Variants in DISP1 observed in about 807,000 individuals in gnomAD.
The protein encoded by DISP1 is dispatched RND transporter family member 1.
Under a neutral mutation model 37.3 loss-of-function variants are expected in DISP1, and 30 were observed. The ratio of observed to expected loss-of-function variants is 0.80; its 90% CI spans 0.60 to 1.09. The LOEUF (loss-of-function observed/expected upper bound fraction) is 1.09. Among genes scored for constraint, DISP1 ranks in the 50% least tolerant of loss-of-function variants. The pLI, the probability that DISP1 is intolerant of heterozygous loss-of-function variation, is 0.00. For missense variants in DISP1, 1,598 were observed against 1,879.5 expected (o/e 0.85, Z 2.77); for synonymous variants, 634 against 690.2 (o/e 0.92, Z 1.28).
chr1:222,886,217 A>G (rs1013938188), intron 1 of DISP1, among the ~76,000 whole-genome samples: 2 of 152,208 alleles, frequency 1.3e-5, no homozygotes, highest in Non-Finnish European at 2.9e-5. Flanking sequence ...AAAGAGAGGT[A>G]GGCTATAGAA....
intron 1 of DISP1, among the ~76,000 whole-genome samples, chr1:222,894,052 G>A (rs1043771689): frequency 3.1e-4 from 47 of 152,276 alleles, no homozygotes; most frequent in African/African-American, 1.1e-3. Context: ...TCTCCCAGCC[G>A]GTAGTCCCCA....
At chr1:222,851,166 C>T (rs1242127925) in intron 1 of DISP1, among the ~76,000 whole-genome samples, 1 of 150,974 alleles carries the variant, frequency 6.6e-6, no homozygotes, top group Non-Finnish European at 1.5e-5. Context: ...TCCTGGGTTC[C>T]AGTGATTCTC....
At chr1:222,901,453 A>G (rs558681670) in intron 1 of DISP1, among the ~76,000 whole-genome samples, 1 of 152,228 alleles carries the variant, frequency 6.6e-6, no homozygotes, top group African/African-American at 2.4e-5. Flanking sequence ...AAAAACAAAG[A>G]TATTTGGGGA....
At chr1:222,850,093 G>A (rs1353588133) in intron 1 of DISP1, among the ~76,000 whole-genome samples, 4 of 152,024 alleles carry the variant, frequency 2.6e-5, no homozygotes, top group African/African-American at 9.7e-5. Flanking sequence ...TATAAGATAA[G>A]CCCCATAGGG....
In DISP1 at chr1:222,943,236, C is replaced by T. The variant is rs375843368; in HGVS notation, c.413C>T (p.Thr138Met). 1.7e-5 allele frequency: 27 copies of T among 1,612,846 alleles called. No individual in the cohort carries two copies. Among genetic ancestry groups the T allele is most frequent in the Middle Eastern group, 1.6e-4 (1 of 6,078 alleles). Residue 138 changes from threonine to methionine, a missense_variant, in exon 3 of 9, where the codon ACG (threonine) becomes ATG (methionine). Coordinates refer to ENST00000675850, the MANE Select transcript of DISP1 (RefSeq NM_001377229.1). ...AATCATTCACCTGTGTATCAGACTACGTGCTGTCTTCAGCCCTCTCCATCC... is the reference window on the plus strand; with the variant it reads ...AATCATTCACCTGTGTATCAGACTATGTGCTGTCTTCAGCCCTCTCCATCC... ...CPNHSPVYQT[T>M]CCLQPSPSFC...
chr1:222,851,772 ATTTC>A (rs938549480), intron 1 of DISP1, among the ~76,000 whole-genome samples: 4 of 143,292 alleles, frequency 2.8e-5, no homozygotes, highest in African/African-American at 1.0e-4. Context: ...CAAGGTAAAT[ATTTC>A]TTTTTTTTTT....
At chr1:222,939,050 A>G (rs1160380713) in intron 2 of DISP1, among the ~76,000 whole-genome samples, 1 of 152,188 alleles carries the variant, frequency 6.6e-6, no homozygotes. Flanking sequence ...ATCAGAGAAC[A>G]CTCATGTGAC....
chr1:223,002,339 G>T, intron 8 of DISP1, 46 bp from the exon 9 acceptor site: 1 of 1,566,830 alleles, frequency 6.4e-7, no homozygotes, highest in South Asian at 1.1e-5. Flanking sequence ...GAACGATTGT[G>T]AACCAATTTA....
At chr1:222,910,893 G>A (rs529614901) in intron 1 of DISP1, among the ~76,000 whole-genome samples, 3 of 152,348 alleles carry the variant, frequency 2.0e-5, no homozygotes, top group Admixed American at 6.5e-5. Context: ...CAGGGTTTAT[G>A]TAAGAGAGTG....
intron 1 of DISP1, among the ~76,000 whole-genome samples, chr1:222,866,576 CT>C (rs1669205106): frequency 6.6e-6 from 1 of 152,082 alleles, no homozygotes; most frequent in African/African-American, 2.4e-5. Flanking sequence ...AACTCCTGAC[CT>C]TGTGATCCGC....
intron 1 of DISP1, among the ~76,000 whole-genome samples, chr1:222,871,481 T>C (rs1428717070): frequency 6.6e-6 from 1 of 152,214 alleles, no homozygotes; most frequent in East Asian, 1.9e-4. Flanking sequence ...CAGTGGTTTG[T>C]AGTTCTCCTT....
chr1:222,946,677 G>A (rs1360031005), intron 3 of DISP1, among the ~76,000 whole-genome samples: 2 of 152,174 alleles, frequency 1.3e-5, no homozygotes, highest in East Asian at 3.9e-4. Context: ...AAAGCAAATA[G>A]GCAGGTACAG....
intron 2 of DISP1, among the ~76,000 whole-genome samples, chr1:222,931,870 G>A (rs1673422791): frequency 6.6e-6 from 1 of 151,728 alleles, no homozygotes; most frequent in Non-Finnish European, 1.5e-5. Flanking sequence ...AATAATAAAG[G>A]CTATATGGCA....
intron 8 of DISP1, among the ~76,000 whole-genome samples, chr1:223,001,145 A>AT (rs1229947655): frequency 2.0e-5 from 3 of 152,120 alleles, no homozygotes; most frequent in African/African-American, 7.2e-5. Flanking sequence ...CAATTTTTCA[A>AT]TTTTTTATAA....
chr1:222,914,008 T>TTG (rs1419024410), intron 1 of DISP1, among the ~76,000 whole-genome samples: 2 of 150,660 alleles, frequency 1.3e-5, no homozygotes, highest in African/African-American at 4.9e-5. Flanking sequence ...GGTTGTTTTT[T>TTG]TTTTTTTTTT....
At chr1:222,868,692 G>A (rs188244589) in intron 1 of DISP1, among the ~76,000 whole-genome samples, 1 of 152,040 alleles carries the variant, frequency 6.6e-6, no homozygotes, top group African/African-American at 2.4e-5. Flanking sequence ...AAATACAGAT[G>A]ATCTGACTGT....
chr1:222,906,563 G>C (rs1671904187), intron 1 of DISP1, among the ~76,000 whole-genome samples: 1 of 152,170 alleles, frequency 6.6e-6, no homozygotes, highest in Non-Finnish European at 1.5e-5. Context: ...GCGAAAACTC[G>C]CCAAAACCAA....
At chr1:222,982,391 C>T (rs1433417961) in intron 3 of DISP1, among the ~76,000 whole-genome samples, 1 of 152,180 alleles carries the variant, frequency 6.6e-6, no homozygotes. Context: ...TTATTAAATG[C>T]TTTCCAGTAA....
chr1:222,886,089 A>G (rs1037648138), intron 1 of DISP1, among the ~76,000 whole-genome samples: 12 of 152,226 alleles, frequency 7.9e-5, no homozygotes, highest in Non-Finnish European at 1.8e-4. Context: ...CTCCATGTCT[A>G]TCATGGGGAG....
Sources: gnomAD v4.1 joint callset for allele counts (sites outside exome capture counted in the v4.1 genomes callset) on GRCh38, gnomAD v4.1.1 for gene constraint, MANE v1.5 for transcripts, NCBI Gene and HGNC (gene_info 2026-07-23, HGNC 2026-07-21) for gene names.